The following GALNT13 variants were observed in gnomAD, a reference collection of about 807,000 sequenced individuals.
GALNT13 encodes UDP-GalNAc:polypeptide N-acetylgalactosaminyltransferase 13.
GALNT13 carries 28 observed loss-of-function variants against 64.2 expected under a neutral mutation model. The ratio of observed to expected loss-of-function variants is 0.44; its 90% confidence interval spans 0.32 to 0.60. GALNT13 has a LOEUF of 0.60. Ranked by LOEUF, GALNT13 falls within the 20% of genes least tolerant of loss-of-function variation. GALNT13 has a pLI of 0.05. For synonymous variants in GALNT13, 214 were observed against 224.6 expected (o/e 0.95, Z 0.42); for missense variants, 577 against 669.8 (o/e 0.86, Z 1.53).
the GALNT13 span, among the ~76,000 whole-genome samples, chr2:153,676,241 T>C: frequency 6.6e-6 from 1 of 152,118 alleles, no homozygotes; most frequent in Non-Finnish European, 1.5e-5. Context: ...AACGTCTCTA[T>C]GCATACAAAT....
chr2:154,391,659 A>G (rs1355957721), intron 9 of GALNT13, among the ~76,000 whole-genome samples: 1 of 152,228 alleles, frequency 6.6e-6, no homozygotes, highest in Non-Finnish European at 1.5e-5. Flanking sequence ...TATGATGTGT[A>G]TTAAGCAATT....
chr2:153,410,874 T>TAG, the GALNT13 span, among the ~76,000 whole-genome samples: 54 of 147,418 alleles, frequency 3.7e-4, no homozygotes, highest in Middle Eastern at 3.5e-3. Flanking sequence ...AATATATATT[T>TAG]AGAGAGAGAG....
At chr2:153,079,371 T>A in the GALNT13 span, among the ~76,000 whole-genome samples, 2 of 152,244 alleles carry the variant, frequency 1.3e-5, no homozygotes, top group African/African-American at 4.8e-5. Flanking sequence ...GAAATTCTGC[T>A]CATAGCAGTT....
At chr2:153,154,714 T>C in the GALNT13 span, among the ~76,000 whole-genome samples, 2 of 152,136 alleles carry the variant, frequency 1.3e-5, no homozygotes, top group Non-Finnish European at 2.9e-5. Flanking sequence ...CATTTGGATG[T>C]CCTTTATTTC....
chr2:153,446,450 C>T, the GALNT13 span, among the ~76,000 whole-genome samples: 421 of 152,156 alleles, frequency 2.8e-3, 19 homozygotes, highest in East Asian at 0.074. Flanking sequence ...TAGAGAGAAA[C>T]TAAGTAATCT....
intron 8 of GALNT13, among the ~76,000 whole-genome samples, chr2:154,276,438 A>G (rs1188215489): frequency 6.6e-6 from 1 of 151,830 alleles, no homozygotes; most frequent in Non-Finnish European, 1.5e-5. Context: ...TCTTCACCAT[A>G]TTGGCCAGGC....
At chr2:153,644,623 G>T in the GALNT13 span, among the ~76,000 whole-genome samples, 4 of 151,900 alleles carry the variant, frequency 2.6e-5, no homozygotes, top group African/African-American at 9.7e-5. Flanking sequence ...GTATATAACT[G>T]TCTGACACTC....
chr2:153,981,488 A>T (rs1487477372), intron 3 of GALNT13, among the ~76,000 whole-genome samples: 9 of 151,960 alleles, frequency 5.9e-5, no homozygotes, highest in African/African-American at 2.2e-4. Context: ...TGTTCTTGCG[A>T]TAGTTTACTG....
At chr2:154,081,580 A>G (rs1415768291) in intron 3 of GALNT13, among the ~76,000 whole-genome samples, 1 of 151,724 alleles carries the variant, frequency 6.6e-6, no homozygotes, top group Admixed American at 6.6e-5. Flanking sequence ...AACTCAGGTC[A>G]TAAATACTGT....
At chr2:154,204,055 G>T (rs1012942172) in intron 4 of GALNT13, among the ~76,000 whole-genome samples, 8 of 152,048 alleles carry the variant, frequency 5.3e-5, no homozygotes, top group Non-Finnish European at 8.8e-5. Context: ...AGCCCATTTT[G>T]ATCCAAACAC....
intron 9 of GALNT13, among the ~76,000 whole-genome samples, chr2:154,341,391 G>GA (rs1320680637): frequency 2.0e-5 from 3 of 152,074 alleles, no homozygotes; most frequent in East Asian, 3.9e-4. Flanking sequence ...TAATGTGATG[G>GA]AAAAAAATGA....
At chr2:153,135,661 AT>A in the GALNT13 span, among the ~76,000 whole-genome samples, 4 of 151,966 alleles carry the variant, frequency 2.6e-5, no homozygotes, top group African/African-American at 9.6e-5. Context: ...TGTGTGTGTG[AT>A]TTTTTCACCT....
intron 1 of GALNT13, among the ~76,000 whole-genome samples, chr2:153,888,640 TA>T (rs1434470631): frequency 6.6e-6 from 1 of 151,966 alleles, no homozygotes; most frequent in African/African-American, 2.4e-5. Context: ...AAAATTTTGT[TA>T]CAAGCTTCAA....
the GALNT13 span, among the ~76,000 whole-genome samples, chr2:153,592,064 T>TAA: frequency 6.7e-6 from 1 of 149,412 alleles, no homozygotes; most frequent in Non-Finnish European, 1.5e-5. Flanking sequence ...GGTTAACAGA[T>TAA]TATATATATA....
At chr2:153,406,995 ATAT>A in the GALNT13 span, among the ~76,000 whole-genome samples, 413 of 152,250 alleles carry the variant, frequency 2.7e-3, 2 homozygotes, top group African/African-American at 9.1e-3. Flanking sequence ...AAGTGTTCTA[ATAT>A]TCTAAATTAT....
chr2:154,114,568 CAGT>C (rs1703175353), intron 3 of GALNT13, among the ~76,000 whole-genome samples: 1 of 150,914 alleles, frequency 6.6e-6, no homozygotes, highest in African/African-American at 2.4e-5. Flanking sequence ...CATAAATTGT[CAGT>C]AGTGTAGTGG....
chr2:154,386,486 T>G (rs141997329), intron 9 of GALNT13, among the ~76,000 whole-genome samples: 1 of 152,082 alleles, frequency 6.6e-6, no homozygotes, highest in African/African-American at 2.4e-5. Flanking sequence ...AAGACAAATA[T>G]AACTTTCTCA....
intron 3 of GALNT13, among the ~76,000 whole-genome samples, chr2:154,025,111 G>T (rs934525661): frequency 6.6e-6 from 1 of 152,152 alleles, no homozygotes. Flanking sequence ...CTACTGGGGG[G>T]TGCCTCCCAG....
chr2:153,195,633 C>T, the GALNT13 span, among the ~76,000 whole-genome samples: 14 of 152,360 alleles, frequency 9.2e-5, no homozygotes, highest in African/African-American at 3.1e-4. Flanking sequence ...GCTCCCAGGT[C>T]TGGGCACCCC....
Sources: gnomAD v4.1 joint callset for allele counts (sites outside exome capture counted in the v4.1 genomes callset) on GRCh38, gnomAD v4.1.1 for gene constraint, MANE v1.5 for transcripts, NCBI Gene and HGNC (gene_info 2026-07-23, HGNC 2026-07-21) for gene names.